GLDC: variants seen among roughly 807,000 people sequenced by gnomAD.
GLDC encodes glycine decarboxylase.
A neutral mutation model predicts 121.3 loss-of-function variants in GLDC; 104 were observed. The observed-to-expected ratio is 0.86, with a 90% CI of 0.73 to 1.01. The LOEUF (loss-of-function observed/expected upper bound fraction) is 1.01, where lower values mean the gene tolerates loss of function less well. Ranked by LOEUF, GLDC falls within the 50% of genes least tolerant of loss-of-function variation. The probability of loss-of-function intolerance (pLI) is 0.00; values close to 1 mark genes in which losing one functional copy is unlikely to be tolerated. For synonymous variants in GLDC, 546 were observed against 480.6 expected (o/e 1.14, Z -1.78); for missense variants, 1,429 against 1,306.6 (o/e 1.09, Z -1.44).
chr9:6,546,446 C>T lies in GLDC; in HGVS notation c.2569+4357G>A, dbSNP rs374669783. Among the ~76,000 whole-genome samples, 31 of 151,296 alleles carry T rather than the reference C, an allele frequency of 2.0e-4. No individual in the cohort carries two copies. In the East Asian group the frequency reaches 2.2e-3, roughly 11 times the overall value. On this transcript the variant is annotated intron_variant, in intron 21 of 24. Transcript: ENST00000321612. ...GACTCCTGGGCTCAAGCAACCCTCCCGGCTTGGCCTCCCAAACTGCTGGGA... is the reference window on the plus strand; with the variant it reads ...GACTCCTGGGCTCAAGCAACCCTCCTGGCTTGGCCTCCCAAACTGCTGGGA...
In GLDC at chr9:6,558,734, T is replaced by C. The variant is rs759198148; in HGVS notation, c.1927-50A>G. Reference sequence around the variant, plus strand: ...AAAGAGCAAAATCATCATCAGACTATGAATAATGACAGAAAAGTACTACAA... The same window carrying C: ...AAAGAGCAAAATCATCATCAGACTACGAATAATGACAGAAAAGTACTACAA... On this transcript the variant is annotated intron_variant, in intron 16 of 24. Coordinates refer to ENST00000321612, the MANE Select transcript of GLDC (RefSeq NM_000170.3). The C allele has an allele frequency of 1.7e-5, 28 of 1,604,994 alleles. No individual in the cohort carries two copies. In the Admixed American group the frequency reaches 3.7e-4, roughly 21 times the overall value.
rs780892782 is a variant in GLDC, at chr9:6,604,704, C to T, written c.942G>A (p.Leu314=). ...PPGEFGVDIA[L]GSSQRFGVPL... ...GCACTCCAAATCTCTGGGAGCTGCC[C>T]AGGGCGATGTCTACCCCAAATTCTC... Residue 314 remains leucine, a synonymous_variant, in exon 7 of 25, where the codon CTG becomes CTA. Coordinates refer to ENST00000321612, the MANE Select transcript of GLDC (RefSeq NM_000170.3). 6.2e-7 allele frequency: 1 copy of T among 1,614,116 alleles called. No individual in the cohort carries two copies. The highest frequency in any genetic ancestry group is 8.5e-7 in the Non-Finnish European group (1 of 1,179,982).
chr9:6,594,096 A>G (rs939919793), intron 9 of GLDC, among the ~76,000 whole-genome samples: 2 of 152,118 alleles, frequency 1.3e-5, no homozygotes, highest in African/African-American at 4.8e-5. Context: ...AGTAGCTGAC[A>G]TTACATACAC....
At chr9:6,615,911 C>G (rs1312690355) in intron 3 of GLDC, among the ~76,000 whole-genome samples, 5 of 152,068 alleles carry the variant, frequency 3.3e-5, no homozygotes, top group Non-Finnish European at 7.4e-5. Context: ...CCGCACCTGG[C>G]CTAATCAGGA....
chr9:6,553,784 C>T (rs1817562404), intron 19 of GLDC, among the ~76,000 whole-genome samples: 2 of 151,972 alleles, frequency 1.3e-5, no homozygotes, highest in Admixed American at 1.3e-4. Context: ...AGTGGAGTTC[C>T]ATGTCCCTCC....
At chr9:6,622,510 C>A (rs1819126692) in intron 2 of GLDC, among the ~76,000 whole-genome samples, 1 of 151,984 alleles carries the variant, frequency 6.6e-6, no homozygotes, top group African/African-American at 2.4e-5. Context: ...TCCCGAGGTG[C>A]CGGGATTGCA....
rs779567383 is a variant in GLDC at position 6,645,500 on chromosome 9, G to A, written c.-1C>T. On this transcript the variant is annotated 5_prime_UTR_variant, in exon 1 of 25. Transcript: ENST00000321612. ...CCCACGCCCTGGCACAGGACTGCAT[G>A]GCCGCGGCCACCGTCCCCTGCCCCG... is the stretch of plus-strand genomic sequence containing the variant. The A allele has an allele frequency of 3.8e-5, 50 of 1,321,108 alleles. No homozygotes were observed. Among genetic ancestry groups the A allele is most frequent in the South Asian group, 1.5e-4 (8 of 52,084 alleles). 81.8% of individuals were successfully genotyped at this position (1,321,108 alleles called of 1,614,324 possible).
At chr9:6,614,034 C>T (rs951907798) in intron 3 of GLDC, among the ~76,000 whole-genome samples, 20 of 152,002 alleles carry the variant, frequency 1.3e-4, no homozygotes, top group Non-Finnish European at 2.4e-4. Flanking sequence ...ACCCTGGCCT[C>T]CCAAAGTGCT....
At chr9:6,556,107 T>C (rs368758075) in intron 18 of GLDC, 46 bp downstream of exon 18, 3 of 1,522,954 alleles carry the variant, frequency 2.0e-6, no homozygotes, top group South Asian at 1.1e-5. Context: ...TTTCCACATA[T>C]CCATTTTCTC....
At chr9:6,578,697 G>A (rs991416866) in intron 15 of GLDC, among the ~76,000 whole-genome samples, 1 of 151,968 alleles carries the variant, frequency 6.6e-6, no homozygotes, top group Non-Finnish European at 1.5e-5. Flanking sequence ...TTGCCACCAT[G>A]CTAGGCTAAT....
chr9:6,616,977 G>A (rs900616947), intron 3 of GLDC, among the ~76,000 whole-genome samples: 10 of 152,306 alleles, frequency 6.6e-5, no homozygotes, highest in Non-Finnish European at 1.0e-4. Context: ...GATGTTATCA[G>A]TAGTTGAAAA....
intron 21 of GLDC, chr9:6,541,488 C>G (rs1817256522): frequency 6.6e-6 from 1 of 152,184 alleles, no homozygotes; most frequent in African/African-American, 2.4e-5. Context: ...CCCCTGAAGA[C>G]AGTCTACGAA....
chr9:6,556,351 T>G, intron 17 of GLDC, 49 bp from the exon 18 acceptor site: 1 of 1,499,708 alleles, frequency 6.7e-7, no homozygotes. Context: ...GATATGTTTC[T>G]TTCTTGGCCA....
intron 7 of GLDC, among the ~76,000 whole-genome samples, chr9:6,604,046 C>G (rs1818680470): frequency 6.8e-6 from 1 of 147,554 alleles, no homozygotes; most frequent in Non-Finnish European, 1.5e-5. Context: ...CTTTTCTTTT[C>G]TTTTTTTTTT....
At chr9:6,608,353 C>T (rs1173400338) in intron 4 of GLDC, among the ~76,000 whole-genome samples, 3 of 148,800 alleles carry the variant, frequency 2.0e-5, no homozygotes, top group African/African-American at 5.0e-5. Flanking sequence ...ACCCAGGAGG[C>T]GGAGCTTGCA....
rs1439900643 is a variant in GLDC, at chr9:6,611,559, A to C, written c.471-1203T>G. 5.3e-5 allele frequency among the ~76,000 whole-genome samples: 8 copies of C among 152,030 alleles called. No homozygotes were observed. In the East Asian group the frequency reaches 1.5e-3, roughly 29 times the overall value. On this transcript the variant is annotated intron_variant, in intron 3 of 24. Coordinates refer to ENST00000321612, the MANE Select transcript of GLDC (RefSeq NM_000170.3). ...CAACAGAGCAAGACTCCGTCTCAAA[A>C]AAAAAAAAAAAATTAGTACATCATG...
intron 2 of GLDC, among the ~76,000 whole-genome samples, chr9:6,623,733 T>C (rs1490416578): frequency 1.3e-5 from 2 of 152,262 alleles, no homozygotes; most frequent in Non-Finnish European, 2.9e-5. Context: ...GAAGATGATC[T>C]TGCCTTCTTC....
At chr9:6,557,411 C>G (rs1210626947) in intron 17 of GLDC, among the ~76,000 whole-genome samples, 2 of 151,978 alleles carry the variant, frequency 1.3e-5, no homozygotes, top group South Asian at 4.2e-4. Context: ...CTGGCCAATA[C>G]GGGGAAACCC....
At chr9:6,569,982 G>T (rs906903069) in intron 15 of GLDC, among the ~76,000 whole-genome samples, 3 of 152,092 alleles carry the variant, frequency 2.0e-5, no homozygotes, top group African/African-American at 7.2e-5. Flanking sequence ...GCTCATGGCC[G>T]GGGGGATTAA....
Sources: allele counts gnomAD v4.1 joint callset (sites outside exome capture counted in the v4.1 genomes callset), GRCh38; gene constraint gnomAD v4.1.1; transcripts MANE v1.5; gene names NCBI Gene and HGNC (gene_info 2026-07-23, HGNC 2026-07-21).